CA10: variants seen among roughly 807,000 people sequenced by gnomAD.
CA10 encodes the protein carbonic anhydrase-related protein 10.
CA10 carries 14 observed loss-of-function variants against 44.2 expected under a neutral mutation model. The observed-to-expected ratio is 0.32, with a 90% CI of 0.21 to 0.50. CA10 has a LOEUF of 0.50. Ranked by LOEUF, CA10 falls within the 20% of genes least tolerant of loss-of-function variation. The pLI is 0.99. For synonymous variants in CA10, 159 were observed against 141.6 expected (o/e 1.12, Z -0.87); for missense variants, 350 against 409.7 (o/e 0.85, Z 1.26).
intron 4 of CA10, among the ~76,000 whole-genome samples, chr17:51,733,553 T>C (rs911219355): frequency 6.6e-6 from 1 of 152,174 alleles, no homozygotes; most frequent in Admixed American, 6.5e-5. Flanking sequence ...ATTAAAATAA[T>C]GTAAATCAAG....
chr17:52,149,403 GC>G (rs1290303763), intron 1 of CA10, among the ~76,000 whole-genome samples: 1 of 152,074 alleles, frequency 6.6e-6, no homozygotes, highest in Non-Finnish European at 1.5e-5. Context: ...CATCCTGATG[GC>G]CCAGTAATGC....
intron 1 of CA10, among the ~76,000 whole-genome samples, chr17:52,108,168 T>C (rs1988700866): frequency 6.9e-6 from 1 of 144,306 alleles, no homozygotes; most frequent in African/African-American, 2.5e-5. Context: ...ATATATATTT[T>C]TAATATATTT....
intron 4 of CA10, among the ~76,000 whole-genome samples, chr17:51,681,138 T>C (rs1914832565): frequency 6.6e-6 from 1 of 152,236 alleles, no homozygotes; most frequent in East Asian, 1.9e-4. Context: ...GATTTCAGCT[T>C]TGTCTCTTCC....
chr17:52,118,018 C>G (rs1276699745), intron 1 of CA10, among the ~76,000 whole-genome samples: 3 of 152,048 alleles, frequency 2.0e-5, no homozygotes, highest in Admixed American at 2.0e-4. Context: ...GAAGTAAAAG[C>G]ACAACAAGGT....
chr17:52,146,407 T>C (rs1989584607), intron 1 of CA10, among the ~76,000 whole-genome samples: 2 of 151,718 alleles, frequency 1.3e-5, no homozygotes, highest in African/African-American at 2.4e-5. Context: ...AAAATAAAAA[T>C]AGGCCGGGCG....
chr17:51,874,388 TA>T (rs780808287), intron 3 of CA10, among the ~76,000 whole-genome samples: 18,462 of 127,376 alleles, frequency 0.14, 1,225 homozygotes, highest in South Asian at 0.32. Context: ...GAGTAATTAT[TA>T]AAAAAAAAAA....
At chr17:51,819,826 T>C (rs1907694806) in intron 3 of CA10, among the ~76,000 whole-genome samples, 2 of 152,090 alleles carry the variant, frequency 1.3e-5, no homozygotes, top group African/African-American at 4.8e-5. Flanking sequence ...CCTCCAGAGC[T>C]CTACTCAAAT....
intron 1 of CA10, among the ~76,000 whole-genome samples, chr17:52,121,502 A>G (rs1989014152): frequency 6.6e-6 from 1 of 152,174 alleles, no homozygotes; most frequent in African/African-American, 2.4e-5. Context: ...GCCATAAATC[A>G]TTCTACAATG....
intron 3 of CA10, among the ~76,000 whole-genome samples, chr17:51,907,115 T>C (rs1981589459): frequency 1.3e-5 from 2 of 152,150 alleles, no homozygotes; most frequent in Non-Finnish European, 2.9e-5. Context: ...CCTATGTGGC[T>C]CTTGACAATC....
chr17:51,732,474 C>T (rs974801034), intron 4 of CA10, among the ~76,000 whole-genome samples: 7 of 152,186 alleles, frequency 4.6e-5, no homozygotes, highest in Admixed American at 1.3e-4. Flanking sequence ...TAATTTGAGT[C>T]GGATGTGTCA....
intron 2 of CA10, among the ~76,000 whole-genome samples, chr17:51,935,475 T>A (rs1453688541): frequency 1.3e-5 from 2 of 152,164 alleles, no homozygotes; most frequent in African/African-American, 4.8e-5. Flanking sequence ...ATCCTTTTTG[T>A]ACAATCTTCT....
At chr17:52,008,726 G>A (rs1478698228) in intron 2 of CA10, among the ~76,000 whole-genome samples, 2 of 151,734 alleles carry the variant, frequency 1.3e-5, no homozygotes, top group Non-Finnish European at 2.9e-5. Flanking sequence ...CTTTGAACTT[G>A]CTCAATTAAA....
intron 3 of CA10, among the ~76,000 whole-genome samples, chr17:51,914,910 G>A (rs184076907): frequency 1.5e-4 from 23 of 152,164 alleles, no homozygotes; most frequent in Admixed American, 7.2e-4. Context: ...GAGGTCATTT[G>A]GGGAACTAAA....
At chr17:52,119,467 A>C (rs1054667920) in intron 1 of CA10, among the ~76,000 whole-genome samples, 4 of 152,282 alleles carry the variant, frequency 2.6e-5, no homozygotes, top group African/African-American at 9.6e-5. Context: ...TTCCTGACCC[A>C]TGGTAAGTAA....
intron 3 of CA10, among the ~76,000 whole-genome samples, chr17:51,862,263 G>T (rs1181622074): frequency 6.6e-6 from 1 of 152,154 alleles, no homozygotes; most frequent in East Asian, 1.9e-4. Context: ...GCTTAAGTTG[G>T]AGGACTGCTT....
chr17:51,830,434 C>G (rs1012958859), intron 3 of CA10, among the ~76,000 whole-genome samples: 1 of 151,344 alleles, frequency 6.6e-6, no homozygotes. Flanking sequence ...AAAAAAAAAA[C>G]AAACAATTTC....
At chr17:52,131,942 T>C (rs1989250181) in intron 1 of CA10, among the ~76,000 whole-genome samples, 1 of 151,072 alleles carries the variant, frequency 6.6e-6, no homozygotes, top group Admixed American at 6.6e-5. Context: ...TTCTCACTCA[T>C]AGATGGGAAT....
intron 4 of CA10, among the ~76,000 whole-genome samples, chr17:51,664,118 A>C (rs985071236): frequency 6.6e-6 from 1 of 152,178 alleles, no homozygotes; most frequent in Non-Finnish European, 1.5e-5. Context: ...AGTATTAATA[A>C]AGGCTCGCTT....
intron 1 of CA10, among the ~76,000 whole-genome samples, chr17:52,109,593 A>G (rs746295877): frequency 6.6e-6 from 1 of 152,196 alleles, no homozygotes; most frequent in Non-Finnish European, 1.5e-5. Flanking sequence ...CTCTCTGAGG[A>G]CTGTAGACAA....
Sources: allele counts gnomAD v4.1 joint callset (sites outside exome capture counted in the v4.1 genomes callset), GRCh38; gene constraint gnomAD v4.1.1; transcripts MANE v1.5; gene names NCBI Gene and HGNC (gene_info 2026-07-23, HGNC 2026-07-21).